Variants in NTNG2 observed in about 807,000 individuals in gnomAD.
The protein encoded by NTNG2 is netrin G2.
Under a neutral mutation model 47.6 loss-of-function variants are expected in NTNG2, and 15 were observed. The ratio of observed to expected loss-of-function variants is 0.32; its 90% confidence interval spans 0.21 to 0.49. The LOEUF is 0.49. Among genes scored for constraint, NTNG2 ranks in the 20% least tolerant of loss-of-function variants. NTNG2 has a pLI of 0.99. For missense variants in NTNG2, 578 were observed against 764.6 expected, an observed-to-expected ratio of 0.76 and a Z score of 2.88; for synonymous variants, 307 against 324.6, an observed-to-expected ratio of 0.95 and a Z score of 0.58.
chr9:132,205,465 A>G (rs1431581019), intron 3 of NTNG2, among the ~76,000 whole-genome samples: 6 of 152,156 alleles, frequency 3.9e-5, no homozygotes, highest in Non-Finnish European at 8.8e-5. Context: ...GGAAGGCGGA[A>G]TGGGGGTTAG....
Position 132,198,533 on chromosome 9 carries a change from C to G in NTNG2, c.781C>G (p.Leu261Val). Residue 261 changes from leucine (L) to valine (V), a missense_variant, in exon 3 of 8, where the codon CTG becomes GTG. Coordinates refer to ENST00000393229, the MANE Select transcript of NTNG2 (RefSeq NM_032536.4). ...GCGCATGCGGCTGCTGCGCCCGGCG[C>G]TGGGCGGCACCTATGTGCAGCGGGA... ...DLRMRLLRPA[L>V]GGTYVQRENL... The G allele has an allele frequency of 6.2e-7, 1 of 1,613,106 alleles. No individual in the cohort carries two copies. The highest frequency in any genetic ancestry group is 2.2e-5 in the East Asian group (1 of 44,882).
chr9:132,179,284 G>T (rs1007978734), intron 2 of NTNG2, among the ~76,000 whole-genome samples: 1 of 152,240 alleles, frequency 6.6e-6, no homozygotes, highest in Non-Finnish European at 1.5e-5. Context: ...CCTCTTCAGG[G>T]TCAGTGAGGG....
intron 2 of NTNG2, among the ~76,000 whole-genome samples, chr9:132,192,670 C>T (rs1209113186): frequency 1.3e-5 from 2 of 152,158 alleles, no homozygotes; most frequent in Non-Finnish European, 2.9e-5. Context: ...AAAGGAAGGT[C>T]AGGTCAGCGC....
chr9:132,178,849 G>A (rs894736517), intron 2 of NTNG2, among the ~76,000 whole-genome samples: 2 of 151,200 alleles, frequency 1.3e-5, no homozygotes, highest in African/African-American at 2.4e-5. Context: ...CCAGCTACTC[G>A]GGAGACTGAG....
chr9:132,205,738 A>G (rs1362663554), intron 3 of NTNG2, among the ~76,000 whole-genome samples: 3 of 152,082 alleles, frequency 2.0e-5, no homozygotes, highest in African/African-American at 7.2e-5. Flanking sequence ...AAAATTACCT[A>G]GGTGTGGGAG....
At position 132,171,109 on chromosome 9, in the gene NTNG2, G is replaced by C. The variant is rs554925863; in HGVS notation, c.213+4065G>C. Among the ~76,000 whole-genome samples the C allele has an allele frequency of 3.9e-5, 6 of 152,276 alleles. No homozygotes were observed. The South Asian group carries it at 1.2e-3, about 32-fold the overall frequency. The stretch of plus-strand genomic sequence containing the variant: ...CGGGCCTTGCTTGCCAAGGCGGGGG[G>C]TCTGTGCTTCTGAGCAGGAGCCAGT... On this transcript the variant is annotated intron_variant, in intron 2 of 7. Transcript: ENST00000393229.
intron 4 of NTNG2, 47 bp from the exon 5 acceptor site, chr9:132,230,525 G>C: frequency 6.4e-7 from 1 of 1,574,610 alleles, no homozygotes; most frequent in Non-Finnish European, 8.6e-7. Context: ...TGACACCCAG[G>C]CCCCTTCCCC....
intron 3 of NTNG2, among the ~76,000 whole-genome samples, chr9:132,224,151 G>A (rs987474777): frequency 6.6e-6 from 1 of 152,244 alleles, no homozygotes; most frequent in East Asian, 1.9e-4. Flanking sequence ...TGTGTGATTC[G>A]TATTGTTATA....
Position 132,162,697 on chromosome 9 carries a change from C to T in NTNG2, c.-484+458C>T, listed in dbSNP as rs1321167325. ...CTGCTCCCGCGCCTCTCCCCCACCC[C>T]AATTCCACCGCCACCGCTTAGAGCC... On this transcript the variant is annotated intron_variant, in intron 1 of 7. Coordinates refer to ENST00000393229, the MANE Select transcript of NTNG2 (RefSeq NM_032536.4). The surrounding 1 kb of genome is among the most constrained non-coding windows in gnomAD (Gnocchi z 4.6). 6.6e-6 allele frequency among the ~76,000 whole-genome samples: 1 copy of T among 151,542 alleles called. No homozygotes were observed. The highest frequency in any genetic ancestry group is 1.5e-5 in the Non-Finnish European group (1 of 67,864).
intron 2 of NTNG2, among the ~76,000 whole-genome samples, chr9:132,186,549 C>T (rs1298178798): frequency 6.6e-6 from 1 of 152,188 alleles, no homozygotes; most frequent in Admixed American, 6.5e-5. Flanking sequence ...GGTGCCCACA[C>T]CAGGCCTGGC....
At chr9:132,195,474 ATTTTTTTTT>A (rs56733654) in intron 2 of NTNG2, among the ~76,000 whole-genome samples, 35 of 80,132 alleles carry the variant, frequency 4.4e-4, no homozygotes, top group African/African-American at 1.2e-3. Flanking sequence ...ACGCCTGGCT[ATTTTTTTTT>A]TTTTTTTTTT....
At chr9:132,230,467 C>T (rs1841114370) in intron 4 of NTNG2, 105 bp from the exon 5 acceptor site, 12 of 1,020,554 alleles carry the variant, frequency 1.2e-5, no homozygotes, top group South Asian at 8.3e-5. Flanking sequence ...CTTGAGGGAG[C>T]GACACCTCCA....
rs951117360 is a variant in NTNG2, at chr9:132,238,136, T to C, written c.1055-968T>C. Among the ~76,000 whole-genome samples, 3 of 1,276 alleles carry C rather than the reference T, an allele frequency of 2.4e-3. No individual in the cohort carries two copies. The South Asian group carries it at 0.048, about 21-fold the overall frequency. The allele number at this position is 1,276 out of a possible 152,430, so 0.8% of individuals were successfully genotyped here. A position where few individuals can be genotyped will look rare whatever the true frequency, so the allele number is the denominator to read the frequency against. On this transcript the variant is annotated intron_variant, in intron 5 of 7. Coordinates refer to ENST00000393229, the MANE Select transcript of NTNG2 (RefSeq NM_032536.4). ...GGGGCAGCCACATTGGCTTTCTTGC[T>C]GGAGGGTGGGTGGGTGGGTGAGTAC...
intron 2 of NTNG2, among the ~76,000 whole-genome samples, chr9:132,192,350 G>A (rs1837960948): frequency 6.6e-6 from 1 of 152,206 alleles, no homozygotes; most frequent in Non-Finnish European, 1.5e-5. Context: ...CAGCACTTTG[G>A]GAGGCCGAGG....
chr9:132,166,826 G>T lies in NTNG2; in HGVS notation c.-6G>T. ...TCTGGGCCGCGCCTCTGCAGACTGC[G>T]CAGCCATGCTGCATCTGCTGGCGCT... On this transcript the variant is annotated 5_prime_UTR_variant, in exon 2 of 8. Coordinates refer to ENST00000393229, the MANE Select transcript of NTNG2 (RefSeq NM_032536.4). 6.2e-7 allele frequency: 1 copy of T among 1,613,560 alleles called. No homozygotes were observed.
At chr9:132,239,714 G>A (rs2131044779) in intron 6 of NTNG2, among the ~76,000 whole-genome samples, 1 of 152,376 alleles carries the variant, frequency 6.6e-6, no homozygotes, top group Non-Finnish European at 1.5e-5. Context: ...CAGGGGCCCA[G>A]TTGGGGGCCA....
At chr9:132,224,623 T>A (rs2130920217) in intron 3 of NTNG2, among the ~76,000 whole-genome samples, 1 of 152,236 alleles carries the variant, frequency 6.6e-6, no homozygotes, top group East Asian at 1.9e-4. Context: ...ATATTTTTCT[T>A]TGCATATTTT....
chr9:132,188,616 G>A (rs1481595118), intron 2 of NTNG2, among the ~76,000 whole-genome samples: 4 of 152,212 alleles, frequency 2.6e-5, no homozygotes, highest in South Asian at 4.1e-4. Flanking sequence ...GCACAGGGCC[G>A]AGGTGGAAGA....
At chr9:132,222,559 G>T (rs531745794) in intron 3 of NTNG2, among the ~76,000 whole-genome samples, 2 of 152,354 alleles carry the variant, frequency 1.3e-5, no homozygotes, top group South Asian at 2.1e-4. Flanking sequence ...AGTGCTGCTG[G>T]CCAGGGCTCT....
Sources: gnomAD v4.1 joint callset for allele counts (sites outside exome capture counted in the v4.1 genomes callset) on GRCh38, gnomAD v4.1.1 for gene constraint, Gnocchi (gnomAD v3.1) non-coding constraint, MANE v1.5 for transcripts, NCBI Gene and HGNC (gene_info 2026-07-23, HGNC 2026-07-21) for gene names.